The following ADAMTSL1 variants were observed in gnomAD, a reference collection of about 807,000 sequenced individuals.
The protein encoded by ADAMTSL1 is ADAMTS like 1.
In ADAMTSL1, 126 loss-of-function variants were observed where a neutral mutation model predicts 201.8. The observed-to-expected ratio is 0.62, with a 90% confidence interval of 0.54 to 0.72. ADAMTSL1 has a LOEUF of 0.72. Ranked by LOEUF, ADAMTSL1 falls within the 30% of genes least tolerant of loss-of-function variation. The pLI is 0.00. For synonymous variants in ADAMTSL1, 1,121 were observed against 903.4 expected (o/e 1.24, Z -4.32); for missense variants, 2,679 against 2,277.8 (o/e 1.18, Z -3.59).
intron 23 of ADAMTSL1, among the ~76,000 whole-genome samples, chr9:18,886,670 C>G (rs1454231086): frequency 6.6e-6 from 1 of 152,210 alleles, no homozygotes; most frequent in Non-Finnish European, 1.5e-5. Flanking sequence ...GCCAAGGCAG[C>G]TCTCTCCAGG....
At chr9:18,700,811 T>A (rs1831880193) in intron 13 of ADAMTSL1, among the ~76,000 whole-genome samples, 2 of 152,194 alleles carry the variant, frequency 1.3e-5, no homozygotes, top group African/African-American at 4.8e-5. Flanking sequence ...GGCCACTTGT[T>A]AATGATAAGA....
chr9:17,991,832 C>T (rs1389626837), intron 1 of ADAMTSL1, among the ~76,000 whole-genome samples: 2 of 152,252 alleles, frequency 1.3e-5, no homozygotes, highest in East Asian at 3.9e-4. Context: ...AATGATTCAG[C>T]CAACTCATGA....
In ADAMTSL1 at chr9:18,476,798, C is replaced by G. The variant is rs532180779; in HGVS notation, c.63+2503C>G. Among the ~76,000 whole-genome samples, 6 of 152,202 alleles carry G rather than the reference C, an allele frequency of 3.9e-5. No individual in the cohort carries two copies. The South Asian group carries it at 1.2e-3, about 32-fold the overall frequency. On this transcript the variant is annotated intron_variant, in intron 1 of 28. Transcript: ENST00000380548. ...CATCCTGTCTATTTTGTGGCAAGCC[C>G]AGTTTCTACCTTATTAAAATATCCC... is the stretch of plus-strand genomic sequence containing the variant.
intron 1 of ADAMTSL1, among the ~76,000 whole-genome samples, chr9:17,967,872 CA>C (rs1022448195): frequency 2.0e-5 from 3 of 152,040 alleles, no homozygotes; most frequent in Non-Finnish European, 4.4e-5. Flanking sequence ...TCTGTTTATT[CA>C]CACTGGGATC....
chr9:18,673,048 T>G (rs1464021232), intron 9 of ADAMTSL1, among the ~76,000 whole-genome samples: 1 of 152,212 alleles, frequency 6.6e-6, no homozygotes, highest in African/African-American at 2.4e-5. Context: ...TTCTTCTATC[T>G]TTTCCCTTTG....
intron 23 of ADAMTSL1, among the ~76,000 whole-genome samples, chr9:18,885,193 C>T (rs1043623060): frequency 6.6e-6 from 1 of 152,196 alleles, no homozygotes; most frequent in Admixed American, 6.5e-5. Flanking sequence ...TCCTCCTTTG[C>T]ATCCTCCAAA....
At chr9:18,295,505 A>AT (rs536010343) in intron 2 of ADAMTSL1, among the ~76,000 whole-genome samples, 1 of 152,066 alleles carries the variant, frequency 6.6e-6, no homozygotes, top group South Asian at 2.1e-4. Flanking sequence ...TGTCCAGATA[A>AT]TTTTTTGTAT....
intron 18 of ADAMTSL1, 132 bp from the exon 19 acceptor site, chr9:18,776,649 C>A: frequency 9.3e-7 from 1 of 1,077,850 alleles, no homozygotes; most frequent in Non-Finnish European, 1.3e-6. Context: ...TCCCGTCCTC[C>A]GGCACCTTCG....
intron 23 of ADAMTSL1, among the ~76,000 whole-genome samples, chr9:18,879,587 G>A (rs1828396668): frequency 6.6e-6 from 1 of 152,156 alleles, no homozygotes; most frequent in Admixed American, 6.5e-5. Flanking sequence ...AATCCACTAA[G>A]TGTGCAACAC....
In ADAMTSL1 at chr9:18,892,400, C is replaced by A; in HGVS notation, c.4655C>A (p.Thr1552Asn). Residue 1552 changes from threonine to asparagine, a missense_variant, in exon 26 of 29, where the codon ACC becomes AAC. Coordinates refer to ENST00000380548, the MANE Select transcript of ADAMTSL1 (RefSeq NM_001040272.6). ...CTTCCTCTCCCCAGGTGGATGGTGA[C>A]CTCCTGGTCTGCCTGTACCCGGAGC... ...RRDCPSRWMV[T>N]SWSACTRSCG... The A allele has an allele frequency of 1.2e-6, 2 of 1,612,682 alleles. No individual in the cohort carries two copies. The highest frequency in any genetic ancestry group is 2.2e-5 in the South Asian group (2 of 90,572).
chr9:18,516,269 A>T (rs1818362318), intron 2 of ADAMTSL1, among the ~76,000 whole-genome samples: 1 of 152,204 alleles, frequency 6.6e-6, no homozygotes, highest in East Asian at 1.9e-4. Context: ...ATGGAGACAG[A>T]TACTGGATAT....
At chr9:18,332,125 T>C (rs1275749955) in intron 2 of ADAMTSL1, among the ~76,000 whole-genome samples, 1 of 152,120 alleles carries the variant, frequency 6.6e-6, no homozygotes, top group Non-Finnish European at 1.5e-5. Context: ...GAACAATTCT[T>C]CTAGCACAAG....
chr9:18,442,949 G>A (rs1820055565), intron 2 of ADAMTSL1, among the ~76,000 whole-genome samples: 1 of 152,224 alleles, frequency 6.6e-6, no homozygotes, highest in Non-Finnish European at 1.5e-5. Context: ...ATAGAACAGA[G>A]TGATGGTTCC....
chr9:18,861,649 C>T (rs777360819), intron 23 of ADAMTSL1, among the ~76,000 whole-genome samples: 11 of 152,208 alleles, frequency 7.2e-5, no homozygotes, highest in Non-Finnish European at 1.3e-4. Context: ...GATGCTGTGA[C>T]GTTTCCAGTA....
chr9:18,291,674 C>G (rs1833266811), intron 2 of ADAMTSL1, among the ~76,000 whole-genome samples: 1 of 151,436 alleles, frequency 6.6e-6, no homozygotes. Flanking sequence ...CATCATCTCT[C>G]TCTCTCTCTC....
chr9:18,383,759 T>A (rs1243780470), intron 2 of ADAMTSL1, among the ~76,000 whole-genome samples: 1 of 152,188 alleles, frequency 6.6e-6, no homozygotes, highest in Non-Finnish European at 1.5e-5. Context: ...TTCCAGCCAG[T>A]TAGAACTTGA....
At chr9:18,880,256 A>C (rs1276795578) in intron 23 of ADAMTSL1, among the ~76,000 whole-genome samples, 1 of 152,176 alleles carries the variant, frequency 6.6e-6, no homozygotes, top group African/African-American at 2.4e-5. Flanking sequence ...ATGAATCATG[A>C]ATGTCCTTAA....
chr9:18,297,434 T>TC (rs1281270526), intron 2 of ADAMTSL1, among the ~76,000 whole-genome samples: 21 of 152,112 alleles, frequency 1.4e-4, no homozygotes, highest in African/African-American at 4.8e-4. Context: ...TGGAGAAAGT[T>TC]CTTCAGTATT....
At chr9:17,975,755 T>C (rs1818422065) in intron 1 of ADAMTSL1, among the ~76,000 whole-genome samples, 1 of 152,138 alleles carries the variant, frequency 6.6e-6, no homozygotes, top group African/African-American at 2.4e-5. Flanking sequence ...TTTTTGCTTT[T>C]GTTGCCTGTG....
Sources: allele counts gnomAD v4.1 joint callset (sites outside exome capture counted in the v4.1 genomes callset), GRCh38; gene constraint gnomAD v4.1.1; transcripts MANE v1.5; gene names NCBI Gene and HGNC (gene_info 2026-07-23, HGNC 2026-07-21).